Variants in UBXN4 observed in about 807,000 individuals in gnomAD.
UBXN4 encodes UBX domain protein 4, also known as UBX domain-containing protein 4.
UBXN4 carries 35 observed loss-of-function variants against 66.2 expected under a neutral mutation model. That is an observed-to-expected ratio of 0.53 (90% CI 0.40 to 0.70). The LOEUF (loss-of-function observed/expected upper bound fraction) is 0.70, where lower values mean the gene tolerates loss of function less well. UBXN4 is among the 30% of genes least tolerant of loss of function. The pLI is 0.00. For missense variants in UBXN4, 533 were observed against 599.8 expected, an observed-to-expected ratio of 0.89 and a Z score of 1.16; for synonymous variants, 203 against 204.5, an observed-to-expected ratio of 0.99 and a Z score of 0.06.
intron 4 of UBXN4, among the ~76,000 whole-genome samples, chr2:135,754,719 T>C (rs1312212655): frequency 1.3e-5 from 2 of 152,234 alleles, no homozygotes; most frequent in African/African-American, 4.8e-5. Flanking sequence ...TCACCTGTTT[T>C]TGTAAATAGC....
At position 135,778,967 on chromosome 2, in the gene UBXN4, G is replaced by T. The variant is rs373377908; in HGVS notation, c.1073G>T (p.Gly358Val). 5.6e-6 allele frequency: 9 copies of T among 1,612,448 alleles called. No individual in the cohort carries two copies. Among genetic ancestry groups the T allele is most frequent in the Non-Finnish European group, 7.6e-6 (9 of 1,179,428 alleles). ...FAAQTVGNTY[G>V]NFSLATMFPR... Reference sequence around the variant, plus strand: ...TTACAGACTGTTGGCAACACTTACGGTAATTTTTCGTTAGCAACCATGTTT... The same window carrying T: ...TTACAGACTGTTGGCAACACTTACGTTAATTTTTCGTTAGCAACCATGTTT... Residue 358 changes from glycine (G) to valine (V), a missense_variant, in exon 11 of 13, where the codon GGT becomes GTT. By Grantham distance (109) the Gly-to-Val change is moderately radical. Around this residue, in one of 2 missense-constraint regions of UBXN4, gnomAD observed 529 missense variants for 580.1 expected, o/e 0.91. Coordinates refer to ENST00000272638, the MANE Select transcript of UBXN4 (RefSeq NM_014607.4).
At chr2:135,769,868 A>T in intron 7 of UBXN4, 45 bp downstream of exon 7, 1 of 1,364,896 alleles carries the variant, frequency 7.3e-7, no homozygotes, top group Non-Finnish European at 1.0e-6. Flanking sequence ...TCATTAACTG[A>T]GGTTGTGATT....
intron 4 of UBXN4, 114 bp downstream of exon 4, chr2:135,754,391 A>C: frequency 2.7e-6 from 2 of 754,244 alleles, no homozygotes; most frequent in African/African-American, 1.8e-5. Context: ...GTGTGATCTC[A>C]GCTCAAGTGC....
In UBXN4 at chr2:135,780,246, A is replaced by T. The variant is rs2077441284; in HGVS notation, c.1249A>T (p.Thr417Ser). ...SSGDIWTLLG[T>S]VLYPFLAIWR... ...CGGAGACATTTGGACCTTGTTGGGA[A>T]CAGTGCTTTATCCATTCCTTGCCAT... Residue 417 changes from threonine (T) to serine (S), a missense_variant, in exon 12 of 13, where the codon ACA (threonine) becomes TCA (serine). Coordinates refer to ENST00000272638, the MANE Select transcript of UBXN4 (RefSeq NM_014607.4). 6.2e-7 allele frequency: 1 copy of T among 1,614,042 alleles called. No homozygotes were observed. The highest frequency in any genetic ancestry group is 1.3e-5 in the African/African-American group (1 of 74,916).
At chr2:135,755,933 A>G (rs376070649) in intron 5 of UBXN4, among the ~76,000 whole-genome samples, 3 of 152,184 alleles carry the variant, frequency 2.0e-5, no homozygotes, top group African/African-American at 2.4e-5. Flanking sequence ...AATTTCTGCT[A>G]TTGCGCTGCA....
chr2:135,745,005 G>A (rs1373572186), intron 1 of UBXN4, among the ~76,000 whole-genome samples: 1 of 152,170 alleles, frequency 6.6e-6, no homozygotes, highest in East Asian at 1.9e-4. Flanking sequence ...GTATAGGTGA[G>A]GGAGTGATGC....
In UBXN4 at chr2:135,747,135, A is replaced by G. The variant is rs554348831; in HGVS notation, c.83-1132A>G. On this transcript the variant is annotated intron_variant, in intron 1 of 12. Transcript: ENST00000272638. ...ACGAATAACTGCAATGAGGAAGGCCAAAGTGGATTAAATTGTCCTGGCCAA... is the reference window on the plus strand; with the variant it reads ...ACGAATAACTGCAATGAGGAAGGCCGAAGTGGATTAAATTGTCCTGGCCAA... Among the ~76,000 whole-genome samples the G allele has an allele frequency of 2.0e-5, 3 of 152,170 alleles. No homozygotes were observed. The South Asian group carries it at 6.2e-4, about 32-fold the overall frequency.
intron 1 of UBXN4, 40 bp downstream of exon 1, chr2:135,742,051 C>G: frequency 6.2e-7 from 1 of 1,600,700 alleles, no homozygotes; most frequent in South Asian, 1.1e-5. Context: ...CGGGACACCC[C>G]TCCGGCCTAC....
At chr2:135,757,655 A>T (rs2105497358) in intron 5 of UBXN4, among the ~76,000 whole-genome samples, 1 of 152,284 alleles carries the variant, frequency 6.6e-6, no homozygotes, top group East Asian at 1.9e-4. Flanking sequence ...TCTGGATTTC[A>T]TTATATTCCT....
chr2:135,757,389 A>C (rs1255855637), intron 5 of UBXN4, among the ~76,000 whole-genome samples: 1 of 152,176 alleles, frequency 6.6e-6, no homozygotes, highest in Non-Finnish European at 1.5e-5. Context: ...AGTTTGACTC[A>C]TAAGTTACAG....
At position 135,741,894 on chromosome 2, in the gene UBXN4, T is replaced by C. The variant is rs535062285; in HGVS notation, c.-36T>C. 9 of 1,597,622 alleles carry C rather than the reference T, an allele frequency of 5.6e-6. No individual in the cohort carries two copies. Among genetic ancestry groups the C allele is most frequent in the South Asian group, 2.3e-5 (2 of 88,720 alleles). On this transcript the variant is annotated 5_prime_UTR_variant, in exon 1 of 13. Coordinates refer to ENST00000272638, the MANE Select transcript of UBXN4 (RefSeq NM_014607.4). ...GAGCCGGCTTCGGGACTGCGGAGAC[T>C]ACACACCGAGCGAGCGCCTGGGCCC...
At chr2:135,754,317 T>A in intron 4 of UBXN4, 40 bp downstream of exon 4, 3 of 1,515,986 alleles carry the variant, frequency 2.0e-6, no homozygotes, top group South Asian at 1.2e-5. Flanking sequence ...AAATGGTACG[T>A]CAGGAATTGG....
Position 135,779,319 on chromosome 2 carries a change from G to T in UBXN4, c.1185+240G>T, listed in dbSNP as rs1240765739. The stretch of plus-strand genomic sequence containing the variant: ...AACTTTTTTCTTCACATATTTTTGT[G>T]TACAAAAAAAATGACCAATAGGAGA... On this transcript the variant is annotated intron_variant, in intron 11 of 12. Coordinates refer to ENST00000272638, the MANE Select transcript of UBXN4 (RefSeq NM_014607.4). Among the ~76,000 whole-genome samples the T allele has an allele frequency of 3.5e-4, 3 of 8,488 alleles. No homozygotes were observed. The Non-Finnish European group carries it at 0.011, about 32-fold the overall frequency. 5.6% of individuals were successfully genotyped at this position (8,488 alleles called of 152,430 possible). A position where few individuals can be genotyped will look rare whatever the true frequency, so the allele number is the denominator to read the frequency against.
intron 6 of UBXN4, among the ~76,000 whole-genome samples, chr2:135,767,775 T>G (rs979363023): frequency 6.6e-6 from 1 of 152,220 alleles, no homozygotes; most frequent in African/African-American, 2.4e-5. Flanking sequence ...GGCATATATA[T>G]GAAGAAGCGG....
rs59946844 is a variant in UBXN4 at position 135,745,875 on chromosome 2, C to CTTTTTTT, written c.83-2377_83-2371dup. ...TGTGGATGCATTCTAGTCCCGTTTA[C>CTTTTTTT]TTTTTTTTTTTTTTTTTTTTTGAGA... On this transcript the variant is annotated intron_variant, in intron 1 of 12. Transcript: ENST00000272638. Among the ~76,000 whole-genome samples, 155 of 74,392 alleles carry CTTTTTTT rather than the reference C, an allele frequency of 2.1e-3. 37 individuals carry two copies. The highest frequency in any genetic ancestry group is 4.8e-3 in the African/African-American group (93 of 19,486). 48.8% of individuals were successfully genotyped at this position (74,392 alleles called of 152,430 possible).
At chr2:135,748,162 T>A in intron 1 of UBXN4, 105 bp from the exon 2 acceptor site, 1 of 777,130 alleles carries the variant, frequency 1.3e-6, no homozygotes, top group Non-Finnish European at 1.9e-6. Context: ...CAGAAAGTGG[T>A]ATAGGTGGGA....
chr2:135,764,824 G>T (rs11897928), intron 6 of UBXN4, among the ~76,000 whole-genome samples: 4,835 of 149,898 alleles, frequency 0.032, 239 homozygotes, highest in African/African-American at 0.11. Flanking sequence ...TTTTTTGTTT[G>T]TTTGTTTTTG....
At chr2:135,761,957 G>A in intron 6 of UBXN4, 46 bp downstream of exon 6, 1 of 1,537,080 alleles carries the variant, frequency 6.5e-7, no homozygotes, top group South Asian at 1.2e-5. Context: ...AAAAGACAGT[G>A]GTTTTCAGTT....
chr2:135,772,274 G>T, intron 8 of UBXN4, 146 bp from the exon 9 acceptor site: 2 of 873,642 alleles, frequency 2.3e-6, no homozygotes, highest in East Asian at 3.1e-5. Context: ...AGTGAGCTAT[G>T]ATTGTGCCAC....
Sources: gnomAD v4.1 joint callset for allele counts (sites outside exome capture counted in the v4.1 genomes callset) on GRCh38, gnomAD v4.1.1 for gene constraint, gnomAD v4.1.1 regional missense constraint, MANE v1.5 for transcripts, NCBI Gene and HGNC (gene_info 2026-07-23, HGNC 2026-07-21) for gene names.